NEO1: variants seen among roughly 807,000 people sequenced by gnomAD.
NEO1 encodes neogenin 1, also known as neogenin.
In NEO1, 63 loss-of-function variants were observed where a neutral mutation model predicts 159.7. The observed-to-expected ratio is 0.39, with a 90% confidence interval of 0.32 to 0.49. NEO1 has a LOEUF of 0.49. Among genes scored for constraint, NEO1 ranks in the 20% least tolerant of loss-of-function variants. NEO1 has a pLI of 0.85. For synonymous variants in NEO1, 633 were observed against 662.0 expected, an observed-to-expected ratio of 0.96 and a Z score of 0.67; for missense variants, 1,615 against 1,831.0, an observed-to-expected ratio of 0.88 and a Z score of 2.15.
Position 73,204,008 on chromosome 15 carries a change from G to A in NEO1, c.1291+25581G>A, listed in dbSNP as rs149589038. Among the ~76,000 whole-genome samples the A allele has an allele frequency of 2.4e-3, 366 of 151,716 alleles. 4 individuals carry two copies. The highest frequency in any genetic ancestry group is 8.4e-3 in the African/African-American group (348 of 41,370). ...GAACTTCTTTTAACATTTCTTGCAG[G>A]GCAAATTATCTGCTGATTGATTCTC... On this transcript the variant is annotated intron_variant, in intron 7 of 28. Coordinates refer to ENST00000261908, the MANE Select transcript of NEO1 (RefSeq NM_002499.4).
At chr15:73,103,020 C>T (rs909145012) in intron 1 of NEO1, among the ~76,000 whole-genome samples, 6 of 152,098 alleles carry the variant, frequency 3.9e-5, no homozygotes, top group Admixed American at 6.6e-5. Context: ...ACCTTACTTT[C>T]GCATTTATTC....
In NEO1 at chr15:73,288,499, A is replaced by C. The variant is rs141072737; in HGVS notation, c.3597A>C (p.Pro1199=). 48 of 1,614,188 alleles carry C rather than the reference A, an allele frequency of 3.0e-5. No individual in the cohort carries two copies. In the African/African-American group the frequency reaches 5.3e-4, roughly 18 times the overall value. ...CTCGCAACTCTCAAGATATCACACC[A>C]GTTGACAACTCCATGGACAGCAATA... is the stretch of plus-strand genomic sequence containing the variant. ...PIPRNSQDIT[P]VDNSMDSNIH... The change falls in exon 24 of 29, where the codon CCA becomes CCC. Residue 1199 remains proline, a synonymous_variant. Transcript: ENST00000261908.
chr15:73,169,809 G>A (rs1297472261), intron 5 of NEO1, among the ~76,000 whole-genome samples: 1 of 151,684 alleles, frequency 6.6e-6, no homozygotes, highest in African/African-American at 2.4e-5. Context: ...GGCTTTGAAG[G>A]TAGAAAAAAA....
In NEO1 at chr15:73,258,816, A is replaced by G. The variant is rs369991249; in HGVS notation, c.2143A>G (p.Asn715Asp). 22 of 1,613,826 alleles carry G rather than the reference A, an allele frequency of 1.4e-5. No individual in the cohort carries two copies. The highest frequency in any genetic ancestry group is 4.0e-5 in the African/African-American group (3 of 74,912). The change falls in exon 14 of 29, where the codon AAT becomes GAT. Residue 715 changes from asparagine to aspartate, a missense_variant. Asn to Asp is a conservative substitution (Grantham distance 23, BLOSUM62 1). Transcript: ENST00000261908. ...YNFRVAALTINGTGPATDWLS... is the reference protein window; with the variant it reads ...YNFRVAALTIDGTGPATDWLS... ...TTTCCGAGTGGCTGCTCTAACAATC[A>G]ATGGTACAGGCCCGGCAACTGACTG...
Position 73,126,463 on chromosome 15 carries a change from C to T in NEO1, c.771C>T (p.Pro257=), listed in dbSNP as rs1432473624. 6.2e-7 allele frequency: 1 copy of T among 1,612,964 alleles called. No individual in the cohort carries two copies. Residue 257 remains proline, a synonymous_variant, in exon 4 of 29, where the codon CCC becomes CCT. Coordinates refer to ENST00000261908, the MANE Select transcript of NEO1 (RefSeq NM_002499.4). ...SDLVFLKQPS[P]LVRVIGQDVV... Reference sequence around the variant, plus strand: ...TGGTATTTTTGAAACAGCCTTCTCCCTTAGTCAGAGTCATTGGTCAGGATG... The same window carrying T: ...TGGTATTTTTGAAACAGCCTTCTCCTTTAGTCAGAGTCATTGGTCAGGATG...
intron 7 of NEO1, among the ~76,000 whole-genome samples, chr15:73,229,634 T>C (rs1032574390): frequency 3.3e-5 from 5 of 152,170 alleles, no homozygotes; most frequent in African/African-American, 1.2e-4. Context: ...TTGTCTTGTT[T>C]CTAATCTTAG....
intron 16 of NEO1, among the ~76,000 whole-genome samples, chr15:73,269,006 A>G (rs2041045184): frequency 6.6e-6 from 1 of 152,180 alleles, no homozygotes; most frequent in Admixed American, 6.5e-5. Context: ...ACTATGGTAG[A>G]TAGTCCAGCA....
At chr15:73,267,197 G>T (rs1324905811) in intron 16 of NEO1, among the ~76,000 whole-genome samples, 4 of 152,226 alleles carry the variant, frequency 2.6e-5, no homozygotes, top group African/African-American at 9.6e-5. Flanking sequence ...AGCAGAGCTT[G>T]CAATGAGCCA....
chr15:73,201,275 A>G (rs2036867778), intron 7 of NEO1, among the ~76,000 whole-genome samples: 1 of 151,112 alleles, frequency 6.6e-6, no homozygotes, highest in Non-Finnish European at 1.5e-5. Context: ...AGTTTCACTT[A>G]TTTTCATTCA....
intron 1 of NEO1, among the ~76,000 whole-genome samples, chr15:73,115,207 T>C (rs747339313): frequency 4.6e-5 from 7 of 152,210 alleles, no homozygotes; most frequent in Non-Finnish European, 8.8e-5. Flanking sequence ...CATGCCTGGC[T>C]AATTTTTGTA....
chr15:73,067,191 TC>T (rs1022629287), intron 1 of NEO1, among the ~76,000 whole-genome samples: 2 of 152,222 alleles, frequency 1.3e-5, no homozygotes, highest in Non-Finnish European at 1.5e-5. Flanking sequence ...TTCAGATTGT[TC>T]TGTTTTCATA....
intron 7 of NEO1, among the ~76,000 whole-genome samples, chr15:73,213,694 C>T (rs935829074): frequency 2.0e-5 from 3 of 152,192 alleles, no homozygotes; most frequent in East Asian, 1.9e-4. Context: ...GTTGGTTCCA[C>T]GATTTTACAG....
chr15:73,244,780 A>G (rs2039668710), intron 9 of NEO1, among the ~76,000 whole-genome samples: 1 of 151,636 alleles, frequency 6.6e-6, no homozygotes, highest in South Asian at 2.1e-4. Context: ...GTGAAACCCC[A>G]TCTCTACTAA....
chr15:73,249,803 T>C, intron 11 of NEO1, 82 bp downstream of exon 11: 1 of 1,439,800 alleles, frequency 6.9e-7, no homozygotes, highest in Admixed American at 2.5e-5. Context: ...CTTTGATGTC[T>C]AGAAGATTCA....
chr15:73,073,613 C>T (rs765134235), intron 1 of NEO1, among the ~76,000 whole-genome samples: 54 of 152,124 alleles, frequency 3.5e-4, no homozygotes, highest in Middle Eastern at 6.8e-3. Flanking sequence ...GATTTGCATT[C>T]GACCCATTGT....
chr15:73,239,940 G>T (rs2039406910), intron 8 of NEO1, among the ~76,000 whole-genome samples: 1 of 152,076 alleles, frequency 6.6e-6, no homozygotes, highest in Non-Finnish European at 1.5e-5. Flanking sequence ...TCATCCCTCG[G>T]GATATTTGGC....
Position 73,298,844 on chromosome 15 carries a change from C to A in NEO1, c.4165+233C>A, listed in dbSNP as rs185249305. On this transcript the variant is annotated intron_variant, in intron 27 of 28. Transcript: ENST00000261908. ...AGAATAATTTGCTGGGAACCAAGGG[C>A]TGACCTTTTGAATTGTGTTTTATGT... is the stretch of plus-strand genomic sequence containing the variant. 3.1e-3 allele frequency among the ~76,000 whole-genome samples: 472 copies of A among 152,342 alleles called. 2 individuals are homozygous for A. The highest frequency in any genetic ancestry group is 0.011 in the African/African-American group (449 of 41,568).
intron 22 of NEO1, among the ~76,000 whole-genome samples, chr15:73,282,623 T>C (rs555744968): frequency 6.6e-6 from 1 of 152,372 alleles, no homozygotes; most frequent in East Asian, 1.9e-4. Context: ...CAAAATGAGT[T>C]TATATATCAC....
chr15:73,263,531 T>A lies in NEO1; in HGVS notation c.2399-2785T>A, dbSNP rs542291407. Among the ~76,000 whole-genome samples, 197 of 152,164 alleles carry A rather than the reference T, an allele frequency of 1.3e-3. 1 individual carries two copies. The highest frequency in any genetic ancestry group is 4.2e-3 in the African/African-American group (176 of 41,562). On this transcript the variant is annotated intron_variant, in intron 15 of 28. Coordinates refer to ENST00000261908, the MANE Select transcript of NEO1 (RefSeq NM_002499.4). ...TTTAAAAGCAAAAGAATTTGAGAAA[T>A]ATTTATATTTTATAATAAATAATTT...
Sources: allele counts gnomAD v4.1 joint callset (sites outside exome capture counted in the v4.1 genomes callset), GRCh38; gene constraint gnomAD v4.1.1; transcripts MANE v1.5; gene names NCBI Gene and HGNC (gene_info 2026-07-23, HGNC 2026-07-21).